Variants in ZNF589 observed in about 807,000 individuals in gnomAD.
The protein encoded by ZNF589 is KRAB-zinc finger protein SZF1-1.
Under a neutral mutation model 13.6 loss-of-function variants are expected in ZNF589, and 17 were observed. The ratio of observed to expected loss-of-function variants is 1.25; its 90% CI spans 0.86 to 1.88. ZNF589 has a LOEUF of 1.88. ZNF589 is among the 40% of genes most tolerant of loss of function. ZNF589 has a pLI of 0.00. For synonymous variants in ZNF589, 148 were observed against 161.6 expected (o/e 0.92, Z 0.64); for missense variants, 407 against 434.0 (o/e 0.94, Z 0.55).
chr3:48,249,205 C>T (rs1270604505), intron 2 of ZNF589, among the ~76,000 whole-genome samples: 4 of 151,742 alleles, frequency 2.6e-5, no homozygotes, highest in East Asian at 1.9e-4. Context: ...TGGATTCAAG[C>T]GATTCTCCTG....
chr3:48,268,736 A>C lies in ZNF589; in HGVS notation c.1045A>C (p.Lys349Gln). 2.5e-6 allele frequency: 4 copies of C among 1,613,084 alleles called. No homozygotes were observed. Among genetic ancestry groups the C allele is most frequent in the Non-Finnish European group, 3.4e-6 (4 of 1,179,654 alleles). The change falls in exon 4 of 4, where the codon AAG (lysine) becomes CAG (glutamine). Residue 349 changes from lysine (K) to glutamine (Q), a missense_variant. Physicochemically the swap from Lys to Gln is moderately conservative, Grantham distance 53. Transcript: ENST00000354698. ...CTTTCGTGAAAAGTCAGAGCTCATTAAGCACCAGAGAATTCACACGGGGGA... is the reference window on the plus strand; with the variant it reads ...CTTTCGTGAAAAGTCAGAGCTCATTCAGCACCAGAGAATTCACACGGGGGA... ...RGFREKSELI[K>Q]HQRIHTGDKP...
chr3:48,254,295 G>A (rs754685316), intron 2 of ZNF589, among the ~76,000 whole-genome samples: 11 of 151,966 alleles, frequency 7.2e-5, no homozygotes, highest in African/African-American at 1.7e-4. Context: ...TGTTTGTGTC[G>A]GTCATTTCTG....
In ZNF589 at chr3:48,270,593, C is replaced by T. The variant is rs534143389; in HGVS notation, c.*1807C>T. 6 of 278,442 alleles carry T rather than the reference C, an allele frequency of 2.2e-5. No individual in the cohort carries two copies. The highest frequency in any genetic ancestry group is 2.0e-4 in the South Asian group (5 of 25,402). The allele number at this position is 278,442 out of a possible 1,614,324, so 17.2% of individuals were successfully genotyped here. A position where few individuals can be genotyped will look rare whatever the true frequency, so the allele number is the denominator to read the frequency against. ...GGGCTGGGGCTAGCCCTACCTGATA[C>T]CCTGTGTCAATGAGTGTACCTTGGA... On this transcript the variant is annotated 3_prime_UTR_variant, in exon 4 of 4. Transcript: ENST00000354698.
intron 1 of ZNF589, among the ~76,000 whole-genome samples, chr3:48,244,375 G>A (rs1434275590): frequency 1.3e-5 from 2 of 151,976 alleles, no homozygotes; most frequent in Non-Finnish European, 2.9e-5. Flanking sequence ...GTTTAGTCAG[G>A]AAAACAGTAA....
chr3:48,268,977 C>T lies in ZNF589; in HGVS notation c.*191C>T, dbSNP rs1206999410. 39 of 865,924 alleles carry T rather than the reference C, an allele frequency of 4.5e-5. No individual in the cohort carries two copies. The highest frequency in any genetic ancestry group is 6.3e-5 in the Non-Finnish European group (35 of 558,062). 53.6% of individuals were successfully genotyped at this position (865,924 alleles called of 1,614,324 possible). A position where few individuals can be genotyped will look rare whatever the true frequency, so the allele number is the denominator to read the frequency against. On this transcript the variant is annotated 3_prime_UTR_variant, in exon 4 of 4. Transcript: ENST00000354698. ...TGTGGGCATGGATTTAGCCAGAAGT[C>T]GTCGCTCAAATCACATCGGAGAACA... is the stretch of plus-strand genomic sequence containing the variant.
At chr3:48,242,243 T>C (rs2033706853) in intron 1 of ZNF589, among the ~76,000 whole-genome samples, 1 of 152,056 alleles carries the variant, frequency 6.6e-6, no homozygotes, top group South Asian at 2.1e-4. Context: ...ACCAAGCGGC[T>C]GGAATTACAG....
Position 48,268,966 on chromosome 3 carries a change from T to G in ZNF589, c.*180T>G. On this transcript the variant is annotated 3_prime_UTR_variant, in exon 4 of 4. Coordinates refer to ENST00000354698, the MANE Select transcript of ZNF589 (RefSeq NM_016089.3). ...TGTGTGAGGAGTGTGGGCATGGATTTAGCCAGAAGTCGTCGCTCAAATCAC... is the reference window on the plus strand; with the variant it reads ...TGTGTGAGGAGTGTGGGCATGGATTGAGCCAGAAGTCGTCGCTCAAATCAC... 1.1e-5 allele frequency: 10 copies of G among 935,572 alleles called. No homozygotes were observed. The highest frequency in any genetic ancestry group is 1.6e-5 in the Non-Finnish European group (10 of 619,288). 58.0% of individuals were successfully genotyped at this position (935,572 alleles called of 1,614,324 possible). A position where few individuals can be genotyped will look rare whatever the true frequency, so the allele number is the denominator to read the frequency against.
intron 2 of ZNF589, among the ~76,000 whole-genome samples, chr3:48,252,903 A>T (rs754492503): frequency 2.0e-5 from 3 of 152,230 alleles, no homozygotes; most frequent in Non-Finnish European, 4.4e-5. Context: ...GGCGTGAGCC[A>T]CTGCGCCCAG....
intron 2 of ZNF589, among the ~76,000 whole-genome samples, chr3:48,259,220 T>C (rs951329184): frequency 6.6e-6 from 1 of 152,216 alleles, no homozygotes; most frequent in Non-Finnish European, 1.5e-5. Flanking sequence ...CTGCTGGCTA[T>C]AGATGTGACA....
rs1454566221 is a variant in ZNF589 at position 48,268,284 on chromosome 3, AG to A, written c.595del (p.Glu199LysfsTer2). 6.2e-7 allele frequency: 1 copy of A among 1,612,518 alleles called. No individual in the cohort carries two copies. Among genetic ancestry groups the A allele is most frequent in the Non-Finnish European group, 8.5e-7 (1 of 1,179,004 alleles). ...AGTCCAGCCCAGAATGCAAGCTCTG[AG>A]GAAGTAGACAGAATTTCCAAGAGGG... Reference protein sequence around the residue: ...QLSPAQNASSEEVDRISKRAE... With the variant: ...QLSPAQNASSXEVDRISKRAE... On this transcript the variant is annotated frameshift_variant, in exon 4 of 4. Transcript: ENST00000354698. LOFTEE classifies it low-confidence loss of function (END_TRUNC).
At chr3:48,265,013 C>T (rs1358487480) in intron 3 of ZNF589, among the ~76,000 whole-genome samples, 2 of 151,742 alleles carry the variant, frequency 1.3e-5, no homozygotes, top group East Asian at 3.9e-4. Context: ...GTTCTGTCAC[C>T]CAGGCTGGAG....
intron 1 of ZNF589, among the ~76,000 whole-genome samples, chr3:48,241,971 C>T (rs1319324044): frequency 6.6e-6 from 1 of 152,014 alleles, no homozygotes; most frequent in Non-Finnish European, 1.5e-5. Flanking sequence ...GGCGCCTCAC[C>T]ACCCCGGCTG....
At chr3:48,257,444 G>A (rs991609432) in intron 2 of ZNF589, among the ~76,000 whole-genome samples, 2 of 152,006 alleles carry the variant, frequency 1.3e-5, no homozygotes, top group Non-Finnish European at 2.9e-5. Context: ...ATTTTTAGTA[G>A]AGACGGGATT....
chr3:48,251,192 T>A (rs568744280), intron 2 of ZNF589, among the ~76,000 whole-genome samples: 1 of 152,308 alleles, frequency 6.6e-6, no homozygotes, highest in East Asian at 1.9e-4. Flanking sequence ...GTGCTTTTCA[T>A]TGAGGCAGAG....
At chr3:48,247,189 G>A (rs2033776152) in intron 1 of ZNF589, among the ~76,000 whole-genome samples, 1 of 147,426 alleles carries the variant, frequency 6.8e-6, no homozygotes, top group South Asian at 2.2e-4. Context: ...GGTCAGACTG[G>A]CCTCAAACTC....
At chr3:48,241,606 A>G (rs1054341231) in intron 1 of ZNF589, among the ~76,000 whole-genome samples, 1 of 152,134 alleles carries the variant, frequency 6.6e-6, no homozygotes, top group Admixed American at 6.5e-5. Context: ...ATCTCCGTTC[A>G]CTGCAATCTC....
intron 1 of ZNF589, among the ~76,000 whole-genome samples, chr3:48,243,792 C>CAA (rs5848849): frequency 5.8e-5 from 7 of 120,314 alleles, no homozygotes; most frequent in African/African-American, 9.2e-5. Flanking sequence ...AAGTCTGTCT[C>CAA]AAAAAAAAAA....
intron 1 of ZNF589, among the ~76,000 whole-genome samples, chr3:48,246,399 A>G (rs1339846335): frequency 2.0e-5 from 3 of 152,242 alleles, no homozygotes; most frequent in Non-Finnish European, 2.9e-5. Flanking sequence ...ATGGTCTTTA[A>G]TACTTTTTTC....
chr3:48,268,226 T>C lies in ZNF589; in HGVS notation c.535T>C (p.Trp179Arg), dbSNP rs1002544395. ...GTTCCAGAGACCACCAATAAGCTCT[T>C]GGGGAGGCAACAGAATATTAGAGAT... The part of the protein sequence containing the change: ...SLFQRPPISS[W>R]GGNRILEIQL... The change falls in exon 4 of 4, where the codon TGG (tryptophan) becomes CGG (arginine). Residue 179 changes from tryptophan to arginine, a missense_variant. Trp to Arg is a moderately radical substitution (Grantham distance 101). Coordinates refer to ENST00000354698, the MANE Select transcript of ZNF589 (RefSeq NM_016089.3). 3 of 1,606,030 alleles carry C rather than the reference T, an allele frequency of 1.9e-6. No homozygotes were observed. The highest frequency in any genetic ancestry group is 2.6e-6 in the Non-Finnish European group (3 of 1,175,698).
Sources: allele counts gnomAD v4.1 joint callset (sites outside exome capture counted in the v4.1 genomes callset), GRCh38; gene constraint gnomAD v4.1.1; transcripts MANE v1.5; gene names NCBI Gene and HGNC (gene_info 2026-07-23, HGNC 2026-07-21).